Variants in CCDC171 observed in about 807,000 individuals in gnomAD.
CCDC171 encodes coiled-coil domain-containing protein 171.
In CCDC171, 177 loss-of-function variants were observed where a neutral mutation model predicts 168.2. The ratio of observed to expected loss-of-function variants is 1.05; its 90% CI spans 0.93 to 1.19. The LOEUF is 1.19. CCDC171 is among the 50% of genes most tolerant of loss of function. The pLI is 0.00. For missense variants in CCDC171, 1,991 were observed against 1,539.0 expected, an observed-to-expected ratio of 1.29 and a Z score of -4.91; for synonymous variants, 687 against 540.8, an observed-to-expected ratio of 1.27 and a Z score of -3.75.
chr9:15,690,255 T>C (rs1037168539), intron 10 of CCDC171, among the ~76,000 whole-genome samples: 8 of 152,134 alleles, frequency 5.3e-5, no homozygotes, highest in Admixed American at 2.6e-4. Flanking sequence ...TTGGGTGAGC[T>C]GTATGTTATG....
At chr9:16,094,445 T>C in the CCDC171 span, among the ~76,000 whole-genome samples, 4 of 152,144 alleles carry the variant, frequency 2.6e-5, no homozygotes, top group Non-Finnish European at 5.9e-5. Flanking sequence ...AACTATGGTG[T>C]CAGTGTGAGG....
chr9:16,103,849 G>A, the CCDC171 span, among the ~76,000 whole-genome samples: 1 of 152,222 alleles, frequency 6.6e-6, no homozygotes, highest in South Asian at 2.1e-4. Context: ...GGCTGGGGGA[G>A]AGTCAGAGAA....
intron 24 of CCDC171, chr9:15,887,745 A>T (rs1369380401): frequency 6.6e-6 from 1 of 152,154 alleles, no homozygotes; most frequent in African/African-American, 2.4e-5. Context: ...TTCATTTAGA[A>T]ATAGTATTAT....
chr9:15,779,062 C>T lies in CCDC171; in HGVS notation c.2993C>T (p.Thr998Ile), dbSNP rs768435593. 1.9e-6 allele frequency: 3 copies of T among 1,604,906 alleles called. No homozygotes were observed. The Admixed American group carries it at 5.1e-5, about 27-fold the overall frequency. ...CGCCGCTCACTACGCTTAGAGGTCA[C>T]AGAATTCAAACGAAGTGTGAATGAA... ...VERRSLRLEV[T>I]EFKRSVNEMK... The change falls in exon 20 of 26, where the codon ACA becomes ATA. Residue 998 changes from threonine (T) to isoleucine (I), a missense_variant. Transcript: ENST00000380701.
intron 7 of CCDC171, among the ~76,000 whole-genome samples, chr9:15,635,337 A>G (rs963601403): frequency 2.6e-5 from 4 of 152,110 alleles, no homozygotes; most frequent in African/African-American, 7.2e-5. Flanking sequence ...AGAAATAGCT[A>G]TTTACACCCT....
intron 21 of CCDC171, among the ~76,000 whole-genome samples, chr9:15,802,370 T>C (rs2058866015): frequency 6.6e-6 from 1 of 151,858 alleles, no homozygotes; most frequent in Non-Finnish European, 1.5e-5. Flanking sequence ...TATTAAGCCC[T>C]GCATCCATTA....
At chr9:15,754,918 G>T (rs2056004186) in intron 18 of CCDC171, among the ~76,000 whole-genome samples, 1 of 152,032 alleles carries the variant, frequency 6.6e-6, no homozygotes, top group Non-Finnish European at 1.5e-5. Context: ...AAGGTCAAAT[G>T]AAAATACATT....
At chr9:15,996,774 A>G (rs1405992663) in intron 3 of CCDC171, among the ~76,000 whole-genome samples, 1 of 152,106 alleles carries the variant, frequency 6.6e-6, no homozygotes, top group African/African-American at 2.4e-5. Context: ...TTAGTTTTGT[A>G]CTGTTTGGAT....
chr9:15,861,188 G>T (rs933716953), intron 23 of CCDC171, among the ~76,000 whole-genome samples: 9 of 145,372 alleles, frequency 6.2e-5, no homozygotes, highest in African/African-American at 2.3e-4. Context: ...TCTAAAATGA[G>T]TTTCTCATAG....
rs527417820 is a variant in CCDC171, at chr9:15,972,908, T to C, written c.*1072T>C. On this transcript the variant is annotated 3_prime_UTR_variant, in exon 26 of 26. Transcript: ENST00000380701. ...AAGTGGTCAAATATCAAATAATAGGTCAAGCAGGAAGGAGCTGAGTTCTAA... is the reference window on the plus strand; with the variant it reads ...AAGTGGTCAAATATCAAATAATAGGCCAAGCAGGAAGGAGCTGAGTTCTAA... 1 of 152,060 alleles carries C rather than the reference T, an allele frequency of 6.6e-6. No homozygotes were observed. Among genetic ancestry groups the C allele is most frequent in the Admixed American group, 6.5e-5 (1 of 15,270 alleles). 9.4% of individuals were successfully genotyped at this position (152,060 alleles called of 1,614,324 possible).
chr9:16,077,579 G>C, the CCDC171 span, among the ~76,000 whole-genome samples: 1 of 152,162 alleles, frequency 6.6e-6, no homozygotes, highest in African/African-American at 2.4e-5. Flanking sequence ...TGCTCATCCA[G>C]AGACGACGAG....
intron 6 of CCDC171, among the ~76,000 whole-genome samples, chr9:15,597,216 C>T (rs1368450284): frequency 6.6e-6 from 1 of 152,072 alleles, no homozygotes; most frequent in African/African-American, 2.4e-5. Context: ...GCATCCCTGT[C>T]TTGTGCCAGT....
chr9:15,671,234 C>G (rs1042456984), intron 9 of CCDC171, among the ~76,000 whole-genome samples: 1 of 152,110 alleles, frequency 6.6e-6, no homozygotes. Flanking sequence ...CCGAAAGTCT[C>G]TCATGTTCCT....
chr9:16,058,850 TG>T (rs1159799871), intron 1 of CCDC171, among the ~76,000 whole-genome samples: 1 of 152,246 alleles, frequency 6.6e-6, no homozygotes, highest in East Asian at 1.9e-4. Flanking sequence ...GGATTGACCC[TG>T]GGAAAACAAT....
At chr9:15,801,214 T>A (rs2058805549) in intron 21 of CCDC171, among the ~76,000 whole-genome samples, 1 of 152,086 alleles carries the variant, frequency 6.6e-6, no homozygotes, top group Non-Finnish European at 1.5e-5. Context: ...GTATGGACAT[T>A]TTAACAATAT....
rs1047739812 is a variant in CCDC171 at position 15,755,887 on chromosome 9, G to C, written c.2671+10256G>C. ...TTTAAAATTGGTTGTGGTTATAGTT[G>C]CACAACTCTGTGAGTATACTACAAA... On this transcript the variant is annotated intron_variant, in intron 18 of 25. Coordinates refer to ENST00000380701, the MANE Select transcript of CCDC171 (RefSeq NM_173550.4). Among the ~76,000 whole-genome samples the C allele has an allele frequency of 9.2e-5, 14 of 152,290 alleles. No individual in the cohort carries two copies. The South Asian group carries it at 1.7e-3, about 18-fold the overall frequency.
chr9:15,583,269 G>T (rs1260725632), intron 4 of CCDC171, among the ~76,000 whole-genome samples: 2 of 152,100 alleles, frequency 1.3e-5, no homozygotes, highest in Non-Finnish European at 2.9e-5. Flanking sequence ...ACAAAAATTA[G>T]CTGGGTGTGG....
At chr9:15,909,406 A>C (rs367918260) in intron 24 of CCDC171, among the ~76,000 whole-genome samples, 3 of 23,856 alleles carry the variant, frequency 1.3e-4, no homozygotes, top group Non-Finnish European at 3.3e-4. Flanking sequence ...GTGCGTACAC[A>C]CACACACACA....
chr9:15,800,736 A>G (rs1425593864), intron 21 of CCDC171, among the ~76,000 whole-genome samples: 13 of 152,058 alleles, frequency 8.5e-5, no homozygotes, highest in Admixed American at 7.9e-4. Flanking sequence ...TAGTAGTTTT[A>G]TAGTTTGAGC....
Sources: gnomAD v4.1 joint callset for allele counts (sites outside exome capture counted in the v4.1 genomes callset) on GRCh38, gnomAD v4.1.1 for gene constraint, MANE v1.5 for transcripts, NCBI Gene and HGNC (gene_info 2026-07-23, HGNC 2026-07-21) for gene names.